INSL6: variants seen among roughly 807,000 people sequenced by gnomAD.
INSL6 encodes the protein insulin like 6, also known as insulin-like peptide INSL6.
A neutral mutation model predicts 9.4 loss-of-function variants in INSL6; 16 were observed. The observed-to-expected ratio is 1.70, with a 90% CI of 1.15 to 2.59. The LOEUF (loss-of-function observed/expected upper bound fraction) is 2.59, where lower values mean the gene tolerates loss of function less well. Among genes scored for constraint, INSL6 ranks in the 30% most tolerant of loss-of-function variants. The pLI, the probability that INSL6 is intolerant of heterozygous loss-of-function variation, is 0.00. For synonymous variants in INSL6, 154 were observed against 96.9 expected, an observed-to-expected ratio of 1.59 and a Z score of -3.46; for missense variants, 391 against 257.3, an observed-to-expected ratio of 1.52 and a Z score of -3.56.
chr9:5,032,045 C>T, the INSL6 span, among the ~76,000 whole-genome samples: 2 of 152,282 alleles, frequency 1.3e-5, no homozygotes, highest in East Asian at 1.9e-4. Context: ...CCTGGAAAAT[C>T]GGGTCACTCC....
chr9:5,156,666 A>G (rs1478488147), intron 2 of INSL6, among the ~76,000 whole-genome samples: 1 of 152,206 alleles, frequency 6.6e-6, no homozygotes, highest in Non-Finnish European at 1.5e-5. Flanking sequence ...TTGCACTGGA[A>G]GTCCTAGGCA....
At chr9:5,059,653 A>G in the INSL6 span, among the ~76,000 whole-genome samples, 1 of 151,958 alleles carries the variant, frequency 6.6e-6, no homozygotes, top group East Asian at 1.9e-4. Flanking sequence ...CTATCAGTTC[A>G]CTCTTCTTTC....
At chr9:5,103,453 C>T in the INSL6 span, among the ~76,000 whole-genome samples, 3 of 151,940 alleles carry the variant, frequency 2.0e-5, no homozygotes, top group South Asian at 6.2e-4. Context: ...GAGACTTAGA[C>T]TCCCACACAA....
At chr9:4,995,085 A>G in the INSL6 span, among the ~76,000 whole-genome samples, 30 of 152,302 alleles carry the variant, frequency 2.0e-4, no homozygotes, top group African/African-American at 7.0e-4. Context: ...CTTTACTAAC[A>G]TTGTGTTTTC....
intron 3 of INSL6, chr9:5,128,080 T>TTG (rs139964957): frequency 0.015 from 3,392 of 224,570 alleles, 44 homozygotes; most frequent in African/African-American, 0.054. Flanking sequence ...ATGGTGGGTT[T>TTG]TGTGTGTGTG....
chr9:5,114,731 C>T, the INSL6 span: 1 of 373,244 alleles, frequency 2.7e-6, no homozygotes, highest in Non-Finnish European at 5.2e-6. Context: ...AAAACGAGTT[C>T]ATCTGCTCTG....
chr9:5,120,710 A>G (rs1823548987), downstream of INSL6, among the ~76,000 whole-genome samples: 1 of 152,204 alleles, frequency 6.6e-6, no homozygotes, highest in African/African-American at 2.4e-5. Flanking sequence ...GATGTGATGT[A>G]AACTGTAACA....
At chr9:5,054,718 A>G in the INSL6 span, 2 of 1,613,364 alleles carry the variant, frequency 1.2e-6, no homozygotes, top group South Asian at 2.2e-5. This position sits in a 1 kb window ranked among gnomAD's most constrained non-coding sequence, Gnocchi z 4.9. Flanking sequence ...TATCTTATAA[A>G]TCTGGAAACT....
the INSL6 span, chr9:5,068,912 G>T: frequency 3.1e-6 from 2 of 643,030 alleles, no homozygotes; most frequent in South Asian, 5.4e-5. Context: ...CGGATTCATG[G>T]TTCAAATGTT....
At chr9:5,044,521 G>T in the INSL6 span, 2 of 1,530,222 alleles carry the variant, frequency 1.3e-6, no homozygotes, top group Non-Finnish European at 1.8e-6. Context: ...CTTTGCTCAG[G>T]TATGATTATA....
chr9:5,066,996 A>G, the INSL6 span, among the ~76,000 whole-genome samples: 1 of 152,110 alleles, frequency 6.6e-6, no homozygotes, highest in Non-Finnish European at 1.5e-5. Flanking sequence ...AATAATTTAT[A>G]ATGTCTATCT....
the INSL6 span, chr9:5,085,524 CA>C: frequency 1.4e-6 from 1 of 716,074 alleles, no homozygotes; most frequent in East Asian, 2.6e-5. Flanking sequence ...CACCACACAC[CA>C]AATCTTCAAT....
intron 1 of INSL6, among the ~76,000 whole-genome samples, chr9:5,177,035 T>C (rs1825324236): frequency 1.3e-5 from 2 of 152,116 alleles, no homozygotes; most frequent in Admixed American, 6.5e-5. Flanking sequence ...TTCATGACTT[T>C]GATTAGGATG....
chr9:5,118,679 T>A, the INSL6 span, among the ~76,000 whole-genome samples: 1 of 152,324 alleles, frequency 6.6e-6, no homozygotes, highest in African/African-American at 2.4e-5. Context: ...AGAAAACTTG[T>A]TTGTGTAAGT....
At chr9:5,003,924 G>A in the INSL6 span, among the ~76,000 whole-genome samples, 1 of 152,048 alleles carries the variant, frequency 6.6e-6, no homozygotes, top group African/African-American at 2.4e-5. Context: ...TTTATTAGGA[G>A]TAGTTTCTGC....
At chr9:5,134,940 C>G (rs1028308187) in intron 2 of INSL6, among the ~76,000 whole-genome samples, 1 of 152,112 alleles carries the variant, frequency 6.6e-6, no homozygotes, top group African/African-American at 2.4e-5. Flanking sequence ...TCAGGAGACC[C>G]AGCTCACATG....
chr9:4,993,817 C>A, the INSL6 span, among the ~76,000 whole-genome samples: 1 of 152,338 alleles, frequency 6.6e-6, no homozygotes, highest in African/African-American at 2.4e-5. Flanking sequence ...CTGGCTGGGG[C>A]CACTGTTTGT....
chr9:5,114,083 G>C, the INSL6 span: 9 of 335,434 alleles, frequency 2.7e-5, no homozygotes, highest in Non-Finnish European at 4.8e-5. Context: ...CCCTCACCCA[G>C]AAGCGCTGGC....
the INSL6 span, among the ~76,000 whole-genome samples, chr9:5,117,833 C>T: frequency 1.3e-5 from 2 of 152,014 alleles, no homozygotes; most frequent in Non-Finnish European, 2.9e-5. Flanking sequence ...ACAGAGGGGA[C>T]GTTGTATTAA....
Sources: gnomAD v4.1 joint callset for allele counts (sites outside exome capture counted in the v4.1 genomes callset) on GRCh38, gnomAD v4.1.1 for gene constraint, Gnocchi (gnomAD v3.1) non-coding constraint, MANE v1.5 for transcripts, NCBI Gene and HGNC (gene_info 2026-07-23, HGNC 2026-07-21) for gene names.